Variants in FBLN7 observed in about 807,000 individuals in gnomAD.
FBLN7 encodes the protein fibulin-7.
Under a neutral mutation model 44.0 loss-of-function variants are expected in FBLN7, and 31 were observed. That is an observed-to-expected ratio of 0.70 (90% confidence interval 0.53 to 0.95). FBLN7 has a LOEUF of 0.95. Ranked by LOEUF, FBLN7 falls within the 40% of genes least tolerant of loss-of-function variation. The pLI is 0.00. For synonymous variants in FBLN7, 262 were observed against 253.4 expected, an observed-to-expected ratio of 1.03 and a Z score of -0.32; for missense variants, 573 against 618.5, an observed-to-expected ratio of 0.93 and a Z score of 0.78.
chr2:112,154,615 C>T (rs939124641), intron 1 of FBLN7, among the ~76,000 whole-genome samples: 2 of 152,178 alleles, frequency 1.3e-5, no homozygotes, highest in African/African-American at 2.4e-5. Flanking sequence ...CAAAAGCCAG[C>T]CCTTCACTGA....
the FBLN7 span, among the ~76,000 whole-genome samples, chr2:112,239,332 T>A: frequency 2.0e-5 from 3 of 152,316 alleles, no homozygotes; most frequent in East Asian, 5.8e-4. Flanking sequence ...GTATGACACA[T>A]TTTAATCAGA....
the FBLN7 span, among the ~76,000 whole-genome samples, chr2:112,207,898 T>C: frequency 1.3e-5 from 2 of 152,242 alleles, no homozygotes; most frequent in African/African-American, 2.4e-5. Flanking sequence ...AGTGACTTTA[T>C]TGTAGACAGC....
the FBLN7 span, among the ~76,000 whole-genome samples, chr2:112,204,045 A>G: frequency 2.6e-5 from 4 of 152,256 alleles, no homozygotes; most frequent in Non-Finnish European, 5.9e-5. Context: ...TATTATAAAT[A>G]TTTTCAAAAA....
chr2:112,165,417 G>T (rs994179902), intron 3 of FBLN7, among the ~76,000 whole-genome samples: 8 of 152,102 alleles, frequency 5.3e-5, no homozygotes, highest in African/African-American at 1.4e-4. Context: ...GGAAACTGAG[G>T]CACACAGAGG....
chr2:112,214,471 G>A, the FBLN7 span: 3 of 151,918 alleles, frequency 2.0e-5, no homozygotes, highest in African/African-American at 7.3e-5. Context: ...TTAGACTATG[G>A]TTTTATTATA....
intron 1 of FBLN7, chr2:112,152,192 GTT>G (rs1257531946): frequency 1.3e-5 from 2 of 152,410 alleles, no homozygotes; most frequent in East Asian, 3.9e-4. Flanking sequence ...GGCACACTGG[GTT>G]TTAAATCCTG....
intron 1 of FBLN7, among the ~76,000 whole-genome samples, chr2:112,157,351 T>C (rs982310452): frequency 1.3e-5 from 2 of 152,126 alleles, no homozygotes; most frequent in Non-Finnish European, 2.9e-5. Context: ...GCCTGGGTGA[T>C]AGAGTGAGAC....
At chr2:112,167,870 G>GTTATGTTAT (rs1558885227) in intron 3 of FBLN7, among the ~76,000 whole-genome samples, 1 of 45,956 alleles carries the variant, frequency 2.2e-5, no homozygotes, top group Non-Finnish European at 4.5e-5. Context: ...GGAAAGACAC[G>GTTATGTTAT]TTATGTTATG....
At chr2:112,165,369 T>C (rs555331294) in intron 3 of FBLN7, among the ~76,000 whole-genome samples, 198 bp downstream of exon 3, 1 of 152,334 alleles carries the variant, frequency 6.6e-6, no homozygotes. Flanking sequence ...ATGAGCTCAC[T>C]ATATCTTCAC....
At position 112,181,749 on chromosome 2, in the gene FBLN7, G is replaced by C. The variant is rs1342297236; in HGVS notation, c.543G>C (p.Glu181Asp). 20 of 1,397,838 alleles carry C rather than the reference G, an allele frequency of 1.4e-5. No individual in the cohort carries two copies. The highest frequency in any genetic ancestry group is 9.2e-7 in the Non-Finnish European group (1 of 1,083,194). The allele number at this position is 1,397,838 out of a possible 1,614,324, so 86.6% of individuals were successfully genotyped here. Residue 181 changes from glutamate (E) to aspartate (D), a missense_variant, in exon 5 of 8, where the codon GAG becomes GAC. Physicochemically the swap from Glu to Asp is conservative, Grantham distance 45. Transcript: ENST00000331203. ...GTCTTCTCCCCGCAGCCGCCCCCGA[G>C]GGCAGCGTGGCCGGCGACTCCGCCT... ...CQHQAQTAAP[E>D]GSVAGDSAFS...
intron 1 of FBLN7, among the ~76,000 whole-genome samples, chr2:112,157,534 C>G (rs1312504112): frequency 6.6e-6 from 1 of 152,100 alleles, no homozygotes; most frequent in Non-Finnish European, 1.5e-5. Flanking sequence ...TTAGTAGAGA[C>G]CTGCTTGCTC....
the FBLN7 span, among the ~76,000 whole-genome samples, chr2:112,203,413 A>G: frequency 2.0e-5 from 3 of 152,226 alleles, no homozygotes; most frequent in Non-Finnish European, 4.4e-5. Flanking sequence ...ACAGAATAAA[A>G]AAATACAAAC....
At chr2:112,172,399 C>T (rs1682508416) in intron 3 of FBLN7, among the ~76,000 whole-genome samples, 1 of 152,118 alleles carries the variant, frequency 6.6e-6, no homozygotes, top group Admixed American at 6.5e-5. Context: ...TTGTTAGTTC[C>T]ATTGGATATA....
the FBLN7 span, among the ~76,000 whole-genome samples, chr2:112,202,453 G>C: frequency 1.3e-5 from 2 of 151,158 alleles, no homozygotes; most frequent in African/African-American, 4.9e-5. Flanking sequence ...ATATTTTTAA[G>C]TGCAGGGTTT....
downstream of FBLN7, chr2:112,188,394 C>T (rs767408207): frequency 3.9e-5 from 6 of 152,188 alleles, no homozygotes; most frequent in Non-Finnish European, 8.8e-5. Context: ...TTGGTAAGGA[C>T]AATACCTGGC....
chr2:112,160,153 G>C (rs777132562), intron 2 of FBLN7, among the ~76,000 whole-genome samples: 4 of 152,132 alleles, frequency 2.6e-5, no homozygotes, highest in South Asian at 2.1e-4. Context: ...ACCACGCCCG[G>C]CTAATTTTTT....
rs1265493555 is a variant in FBLN7 at position 112,185,239 on chromosome 2, C to T, written c.847C>T (p.Gln283Ter). 6.2e-7 allele frequency: 1 copy of T among 1,613,980 alleles called. No homozygotes were observed. Reference sequence around the variant, plus strand: ...TGTGGGCCTGCAGCCGGTGTGCCCCCAGGGGACCACATGCATCAACACCGG... The same window carrying T: ...TGTGGGCCTGCAGCCGGTGTGCCCCTAGGGGACCACATGCATCAACACCGG... ...ECVGLQPVCPQGTTCINTGGS... is the reference protein window; with the variant it reads ...ECVGLQPVCP Residue 283 changes from glutamine to a stop codon, truncating the protein, a stop_gained, in exon 7 of 8, where the codon CAG (glutamine) becomes TAG (stop). Transcript: ENST00000331203. LOFTEE classifies it high-confidence loss of function.
the FBLN7 span, among the ~76,000 whole-genome samples, chr2:112,218,554 C>A: frequency 6.6e-6 from 1 of 151,974 alleles, no homozygotes; most frequent in African/African-American, 2.4e-5. Context: ...TTTACAGTAC[C>A]CAAAAAGAAT....
At chr2:112,141,527 TACTC>T (rs1680648408) in intron 1 of FBLN7, among the ~76,000 whole-genome samples, 1 of 152,120 alleles carries the variant, frequency 6.6e-6, no homozygotes, top group Non-Finnish European at 1.5e-5. Context: ...CACAGGGAGA[TACTC>T]AGTGACCAGG....
Sources: gnomAD v4.1 joint callset for allele counts (sites outside exome capture counted in the v4.1 genomes callset) on GRCh38, gnomAD v4.1.1 for gene constraint, MANE v1.5 for transcripts, NCBI Gene and HGNC (gene_info 2026-07-23, HGNC 2026-07-21) for gene names.